ZRANB3: variants seen among roughly 807,000 people sequenced by gnomAD.
ZRANB3 encodes the protein zinc finger RANBP2-type containing 3.
In ZRANB3, 125 loss-of-function variants were observed where a neutral mutation model predicts 133.8. That is an observed-to-expected ratio of 0.93 (90% CI 0.81 to 1.08). The LOEUF (loss-of-function observed/expected upper bound fraction) is 1.08, where lower values mean the gene tolerates loss of function less well. Ranked by LOEUF, ZRANB3 falls within the 50% of genes least tolerant of loss-of-function variation. The probability of loss-of-function intolerance (pLI) is 0.00; values close to 1 mark genes in which losing one functional copy is unlikely to be tolerated. For missense variants in ZRANB3, 1,229 were observed against 1,275.5 expected (o/e 0.96, Z 0.56); for synonymous variants, 387 against 432.7 (o/e 0.89, Z 1.31).
intron 1 of ZRANB3, among the ~76,000 whole-genome samples, chr2:135,522,049 A>G (rs895566377): frequency 2.6e-5 from 4 of 152,144 alleles, no homozygotes; most frequent in African/African-American, 9.7e-5. Context: ...TTGCTCAGGG[A>G]AATAACACTC....
intron 2 of ZRANB3, among the ~76,000 whole-genome samples, chr2:135,476,691 CTTTTTTTTTT>C (rs774332012): frequency 2.2e-5 from 3 of 135,566 alleles, no homozygotes; most frequent in Non-Finnish European, 4.8e-5. Context: ...ATTTCTTTTC[CTTTTTTTTTT>C]TTTTTTTCTT....
At chr2:135,355,089 G>T in intron 3 of ZRANB3, 1 of 267,868 alleles carries the variant, frequency 3.7e-6, no homozygotes, top group Non-Finnish European at 5.8e-6. Context: ...CTAAAGAAAT[G>T]AGAAAAGAGC....
At chr2:135,277,474 T>C (rs538294165) in intron 8 of ZRANB3, among the ~76,000 whole-genome samples, 1 of 152,004 alleles carries the variant, frequency 6.6e-6, no homozygotes, top group Non-Finnish European at 1.5e-5. Context: ...CTAAGAAAAC[T>C]GGAAGAGATT....
chr2:135,284,134 T>G (rs896233542), intron 8 of ZRANB3, among the ~76,000 whole-genome samples: 1 of 152,226 alleles, frequency 6.6e-6, no homozygotes, highest in Admixed American at 6.5e-5. Flanking sequence ...CTCCATCACT[T>G]ACAATGTGAG....
chr2:135,483,658 T>C (rs1343187794), intron 2 of ZRANB3, among the ~76,000 whole-genome samples: 1 of 152,268 alleles, frequency 6.6e-6, no homozygotes, highest in East Asian at 1.9e-4. Flanking sequence ...TGCTAGCTTT[T>C]GAATGTGTTT....
At chr2:135,504,851 G>T (rs1693103445) in intron 1 of ZRANB3, among the ~76,000 whole-genome samples, 1 of 151,992 alleles carries the variant, frequency 6.6e-6, no homozygotes, top group Non-Finnish European at 1.5e-5. Flanking sequence ...ATCTGCTAGA[G>T]AAAGATGAAT....
intron 6 of ZRANB3, among the ~76,000 whole-genome samples, chr2:135,322,939 C>A (rs1683606933): frequency 6.6e-6 from 1 of 151,862 alleles, no homozygotes; most frequent in Admixed American, 6.6e-5. Context: ...ATTGTTTGAA[C>A]CTGGGAGGCA....
At chr2:135,402,300 T>C (rs1687768161) in intron 2 of ZRANB3, among the ~76,000 whole-genome samples, 1 of 150,422 alleles carries the variant, frequency 6.6e-6, no homozygotes, top group African/African-American at 2.4e-5. Context: ...TCTCTCTTTT[T>C]TTTTTTTTTT....
Position 135,219,143 on chromosome 2 carries a change from C to A in ZRANB3, c.2286G>T (p.Leu762=), listed in dbSNP as rs1558837137. ...CTTCCCAAAGGTCTAATTTTATATCCAGAGGAATGAAATTACAGCTCATCT... is the reference window on the plus strand; with the variant it reads ...CTTCCCAAAGGTCTAATTTTATATCAAGAGGAATGAAATTACAGCTCATCT... The part of the protein sequence containing the change: ...GKQMSCNFIP[L]DIKLDLWEDL... Residue 762 remains leucine, a synonymous_variant, in exon 16 of 21, where the codon CTG becomes CTT. Transcript: ENST00000264159. 6.5e-7 allele frequency: 1 copy of A among 1,537,824 alleles called. No homozygotes were observed. The highest frequency in any genetic ancestry group is 2.4e-5 in the East Asian group (1 of 41,786).
chr2:135,336,925 GA>G lies in ZRANB3; in HGVS notation c.677+8624del, dbSNP rs891641301. 4.7e-5 allele frequency among the ~76,000 whole-genome samples: 7 copies of G among 149,622 alleles called. No homozygotes were observed. In the South Asian group the frequency reaches 6.3e-4, roughly 14 times the overall value. On this transcript the variant is annotated intron_variant, in intron 6 of 20. Transcript: ENST00000264159. ...GCTTCCCACCAATACCTAGCATCAT[GA>G]AAAAAAAAGACCTATGATAGGAACA...
At chr2:135,316,767 A>G (rs554701579) in intron 6 of ZRANB3, among the ~76,000 whole-genome samples, 1 of 152,096 alleles carries the variant, frequency 6.6e-6, no homozygotes, top group African/African-American at 2.4e-5. Context: ...AGAGATTGAG[A>G]CCATCCTGGC....
chr2:135,331,622 G>C (rs1684143943), intron 6 of ZRANB3, among the ~76,000 whole-genome samples: 1 of 151,964 alleles, frequency 6.6e-6, no homozygotes, highest in Admixed American at 6.5e-5. Flanking sequence ...CTGTGTCGCT[G>C]ATCTGTCTAA....
chr2:135,389,646 A>C (rs1687134727), intron 3 of ZRANB3, among the ~76,000 whole-genome samples: 1 of 152,054 alleles, frequency 6.6e-6, no homozygotes, highest in African/African-American at 2.4e-5. Context: ...CAGAGGTTGC[A>C]GTGAGCCGAG....
chr2:135,526,490 T>A (rs1241834613), intron 1 of ZRANB3, among the ~76,000 whole-genome samples: 1 of 152,116 alleles, frequency 6.6e-6, no homozygotes, highest in African/African-American at 2.4e-5. Context: ...CCCAAATTCC[T>A]AACTAAGGGG....
rs1017064938 is a variant in ZRANB3 at position 135,230,570 on chromosome 2, T to C, written c.1897A>G (p.Ile633Val). 5 of 1,582,980 alleles carry C rather than the reference T, an allele frequency of 3.2e-6. No individual in the cohort carries two copies. Among genetic ancestry groups the C allele is most frequent in the Non-Finnish European group, 4.3e-6 (5 of 1,169,276 alleles). Residue 633 changes from isoleucine to valine, a missense_variant, in exon 13 of 21, where the codon ATC (isoleucine) becomes GTC (valine). By Grantham distance (29) the Ile-to-Val change is conservative. Coordinates refer to ENST00000264159, the MANE Select transcript of ZRANB3 (RefSeq NM_032143.4). ...EGWQCSLCTY[I>V]NNSELPYCEM... ...CAATAAGGTAACTCTGAATTATTGATATAGGTGCAGAGACTACATTGCCAG... is the reference window on the plus strand; with the variant it reads ...CAATAAGGTAACTCTGAATTATTGACATAGGTGCAGAGACTACATTGCCAG...
At chr2:135,372,663 T>A (rs1686236192) in intron 3 of ZRANB3, among the ~76,000 whole-genome samples, 1 of 151,802 alleles carries the variant, frequency 6.6e-6, no homozygotes, top group South Asian at 2.1e-4. Flanking sequence ...GGTGGGTGCC[T>A]GTAGTCCCAG....
rs149427298 is a variant in ZRANB3, at chr2:135,336,941, T to C, written c.677+8609A>G. Among the ~76,000 whole-genome samples the C allele has an allele frequency of 4.6e-3, 699 of 152,012 alleles. 3 individuals are homozygous for C. The highest frequency in any genetic ancestry group is 7.3e-3 in the Non-Finnish European group (496 of 67,956). On this transcript the variant is annotated intron_variant, in intron 6 of 20. Transcript: ENST00000264159. Reference sequence around the variant, plus strand: ...TAGCATCATGAAAAAAAAAGACCTATGATAGGAACAAAATGAATATTTAGA... The same window carrying C: ...TAGCATCATGAAAAAAAAAGACCTACGATAGGAACAAAATGAATATTTAGA...
chr2:135,251,201 GT>G (rs1200265420), intron 12 of ZRANB3, among the ~76,000 whole-genome samples: 1 of 152,122 alleles, frequency 6.6e-6, no homozygotes, highest in African/African-American at 2.4e-5. Flanking sequence ...TATCCCCTTT[GT>G]TTTGGCCAAT....
At chr2:135,302,998 A>C (rs1174269542) in intron 8 of ZRANB3, among the ~76,000 whole-genome samples, 1 of 152,246 alleles carries the variant, frequency 6.6e-6, no homozygotes, top group Non-Finnish European at 1.5e-5. Context: ...TCAAAGAAAA[A>C]AATTTAATTA....
Sources: gnomAD v4.1 joint callset for allele counts (sites outside exome capture counted in the v4.1 genomes callset) on GRCh38, gnomAD v4.1.1 for gene constraint, MANE v1.5 for transcripts, NCBI Gene and HGNC (gene_info 2026-07-23, HGNC 2026-07-21) for gene names.